ROPN1L: variants seen among roughly 807,000 people sequenced by gnomAD.
ROPN1L encodes ropporin-1-like protein.
A neutral mutation model predicts 22.7 loss-of-function variants in ROPN1L; 23 were observed. The ratio of observed to expected loss-of-function variants is 1.01; its 90% CI spans 0.73 to 1.43. The LOEUF (loss-of-function observed/expected upper bound fraction) is 1.43. Among genes scored for constraint, ROPN1L ranks in the 40% most tolerant of loss-of-function variants. ROPN1L has a pLI of 0.00. For missense variants in ROPN1L, 271 were observed against 291.5 expected (o/e 0.93, Z 0.51); for synonymous variants, 116 against 117.8 (o/e 0.98, Z 0.10).
the ROPN1L span, among the ~76,000 whole-genome samples, chr5:10,479,955 G>T: frequency 3.3e-5 from 5 of 152,132 alleles, no homozygotes; most frequent in African/African-American, 4.8e-5. Context: ...TGTTGGTCAG[G>T]ATGGTCTTGA....
At chr5:10,443,618 G>A (rs371121871) in intron 1 of ROPN1L, among the ~76,000 whole-genome samples, 10 of 149,256 alleles carry the variant, frequency 6.7e-5, no homozygotes, top group Admixed American at 1.3e-4. Context: ...GACAGAGCGA[G>A]ACTCCGTCTC....
downstream of ROPN1L, among the ~76,000 whole-genome samples, chr5:10,466,212 C>G (rs1449277222): frequency 6.6e-6 from 1 of 152,320 alleles, no homozygotes; most frequent in Non-Finnish European, 1.5e-5. Context: ...GCCCAAGGAG[C>G]GAGTGTGGGC....
downstream of ROPN1L, among the ~76,000 whole-genome samples, chr5:10,467,533 C>T (rs1735174936): frequency 6.6e-6 from 1 of 152,138 alleles, no homozygotes; most frequent in Non-Finnish European, 1.5e-5. Flanking sequence ...AGGATGTGGT[C>T]ATTACTGAAT....
Position 10,442,098 on chromosome 5 carries a change from T to C in ROPN1L, c.-70T>C, listed in dbSNP as rs1279218167. On this transcript the variant is annotated 5_prime_UTR_variant, in exon 1 of 5. An upstream open reading frame in the 5' UTR loses its in-frame stop. Coordinates refer to ENST00000274134, the MANE Select transcript of ROPN1L (RefSeq NM_031916.5). ...CGCTGCTAGCGGGTCCACCGCGTCGTAGCCGACAGCCGCCCTTCTTCCTCG... is the reference window on the plus strand; with the variant it reads ...CGCTGCTAGCGGGTCCACCGCGTCGCAGCCGACAGCCGCCCTTCTTCCTCG... 3.1e-5 allele frequency: 48 copies of C among 1,563,654 alleles called. No individual in the cohort carries two copies. Among genetic ancestry groups the C allele is most frequent in the Non-Finnish European group, 4.0e-5 (46 of 1,147,026 alleles).
chr5:10,471,129 T>C (rs932967886), intron 4 of ROPN1L, among the ~76,000 whole-genome samples: 2 of 152,068 alleles, frequency 1.3e-5, no homozygotes, highest in African/African-American at 4.8e-5. Context: ...GTTCCTTGAT[T>C]CTCTTTTCTT....
At chr5:10,464,123 T>C (rs1735104555) in intron 4 of ROPN1L, among the ~76,000 whole-genome samples, 1 of 151,974 alleles carries the variant, frequency 6.6e-6, no homozygotes, top group African/African-American at 2.4e-5. Context: ...TTCCACATCG[T>C]TTCCTCTCCT....
At chr5:10,449,361 A>T (rs1561169420) in intron 2 of ROPN1L, among the ~76,000 whole-genome samples, 1 of 152,168 alleles carries the variant, frequency 6.6e-6, no homozygotes, top group Non-Finnish European at 1.5e-5. Context: ...TCCAATAAAA[A>T]TACAAAACTT....
intron 3 of ROPN1L, among the ~76,000 whole-genome samples, chr5:10,456,349 A>G (rs1741421508): frequency 6.6e-6 from 1 of 152,162 alleles, no homozygotes; most frequent in Non-Finnish European, 1.5e-5. Flanking sequence ...TTAGCTGGGC[A>G]TGGTGGTGTG....
downstream of ROPN1L, among the ~76,000 whole-genome samples, chr5:10,472,861 C>T: frequency 6.6e-6 from 1 of 152,196 alleles, no homozygotes; most frequent in East Asian, 1.9e-4. Flanking sequence ...TAATTAAGTT[C>T]CTAGTCCAAC....
In ROPN1L at chr5:10,441,912, T is replaced by A. The variant is rs905184704; in HGVS notation, c.-256T>A. The A allele has an allele frequency of 9.5e-6, 3 of 315,432 alleles. No homozygotes were observed. Among genetic ancestry groups the A allele is most frequent in the Non-Finnish European group, 1.8e-5 (3 of 169,342 alleles). The allele number at this position is 315,432 out of a possible 1,614,324, so 19.5% of individuals were successfully genotyped here. On this transcript the variant is annotated 5_prime_UTR_variant, in exon 1 of 5. Coordinates refer to ENST00000274134, the MANE Select transcript of ROPN1L (RefSeq NM_031916.5). Reference sequence around the variant, plus strand: ...GGTGCCTGGATACCGAGCGCGTCCGTAGTGGCGGCTGGCGCTAGGGAACTG... The same window carrying A: ...GGTGCCTGGATACCGAGCGCGTCCGAAGTGGCGGCTGGCGCTAGGGAACTG...
At chr5:10,471,931 A>G (rs1330792508) in exon 5 of ROPN1L, 1 of 152,262 alleles carries the variant, frequency 6.6e-6, no homozygotes, top group Non-Finnish European at 1.5e-5. Context: ...TGTGCTAGAC[A>G]AAGAAGTTTG....
chr5:10,450,223 A>C (rs768059861), intron 3 of ROPN1L, 110 bp downstream of exon 3: 2 of 846,524 alleles, frequency 2.4e-6, no homozygotes, highest in South Asian at 4.1e-5. Flanking sequence ...TTTGTCTTAG[A>C]AAAGCATTTC....
intron 3 of ROPN1L, among the ~76,000 whole-genome samples, chr5:10,450,783 C>T (rs1049925792): frequency 1.1e-4 from 16 of 152,182 alleles, no homozygotes; most frequent in Non-Finnish European, 1.3e-4. Context: ...GGATTACAGG[C>T]GTGAGCCACC....
chr5:10,474,262 G>A (rs2673897), downstream of ROPN1L, among the ~76,000 whole-genome samples: 23,374 of 152,126 alleles, frequency 0.15, 2,974 homozygotes, highest in East Asian at 0.67. Context: ...CCGTCCACTG[G>A]CAGACACGCC....
intron 3 of ROPN1L, among the ~76,000 whole-genome samples, chr5:10,459,547 C>T (rs1342366813): frequency 6.6e-6 from 1 of 152,136 alleles, no homozygotes; most frequent in Non-Finnish European, 1.5e-5. Flanking sequence ...CCCCATCCCG[C>T]TGACCTCATT....
chr5:10,473,978 C>T (rs569135610), downstream of ROPN1L, among the ~76,000 whole-genome samples: 3 of 151,898 alleles, frequency 2.0e-5, no homozygotes, highest in Non-Finnish European at 4.4e-5. Flanking sequence ...ATGGCAAATC[C>T]CCGTCTCTAC....
rs764312758 is a variant in ROPN1L at position 10,448,387 on chromosome 5, TG to T, written c.255+11del. Reference sequence around the variant, plus strand: ...CCTGAAAGTTTTGCACAAGCAGGTATGGGGGGGCGTAGTCTCTGGCCTCAGG... The same window carrying T: ...CCTGAAAGTTTTGCACAAGCAGGTATGGGGGGCGTAGTCTCTGGCCTCAGG... On this transcript the variant is annotated splice_donor_5th_base_variant and intron_variant, in intron 2 of 4. Transcript: ENST00000274134. 6.2e-7 allele frequency: 1 copy of T among 1,613,846 alleles called. No individual in the cohort carries two copies. The highest frequency in any genetic ancestry group is 1.1e-5 in the South Asian group (1 of 91,064).
the ROPN1L span, chr5:10,481,861 C>T: frequency 6.6e-6 from 1 of 152,250 alleles, no homozygotes; most frequent in East Asian, 1.9e-4. Context: ...CAAACCTGCT[C>T]TCTGCTCTGT....
intron 2 of ROPN1L, among the ~76,000 whole-genome samples, chr5:10,448,707 C>A (rs1164283407): frequency 2.0e-5 from 3 of 152,158 alleles, no homozygotes; most frequent in Non-Finnish European, 4.4e-5. Context: ...AATTTCAGAA[C>A]CTGGGGGGTT....
Sources: allele counts gnomAD v4.1 joint callset (sites outside exome capture counted in the v4.1 genomes callset), GRCh38; gene constraint gnomAD v4.1.1; transcripts MANE v1.5; gene names NCBI Gene and HGNC (gene_info 2026-07-23, HGNC 2026-07-21).